The following ADAMTSL1 variants were observed in gnomAD, a reference collection of about 807,000 sequenced individuals.
ADAMTSL1 encodes the protein ADAMTS-like protein 1.
ADAMTSL1 carries 126 observed loss-of-function variants against 201.8 expected under a neutral mutation model. That is an observed-to-expected ratio of 0.62 (90% CI 0.54 to 0.72). The LOEUF is 0.72. Ranked by LOEUF, ADAMTSL1 falls within the 30% of genes least tolerant of loss-of-function variation. ADAMTSL1 has a pLI of 0.00. For missense variants in ADAMTSL1, 2,679 were observed against 2,277.8 expected (o/e 1.18, Z -3.59); for synonymous variants, 1,121 against 903.4 (o/e 1.24, Z -4.32).
At position 18,594,070 on chromosome 9, in the gene ADAMTSL1, G is replaced by C. The variant is rs543480302; in HGVS notation, c.474+19804G>C. On this transcript the variant is annotated intron_variant, in intron 4 of 28. Coordinates refer to ENST00000380548, the MANE Select transcript of ADAMTSL1 (RefSeq NM_001040272.6). Reference sequence around the variant, plus strand: ...TTTGAGTTTTGAGGGTTGTCCTTTTGGTTTATTTTTAGTCTGGAAAAGTCT... The same window carrying C: ...TTTGAGTTTTGAGGGTTGTCCTTTTCGTTTATTTTTAGTCTGGAAAAGTCT... Among the ~76,000 whole-genome samples, 3 of 151,658 alleles carry C rather than the reference G, an allele frequency of 2.0e-5. No individual in the cohort carries two copies. In the East Asian group the frequency reaches 5.8e-4, roughly 29 times the overall value.
At chr9:18,283,931 G>GAAAAAAAAAAAAAAAAAAAGAAGAAAAA (rs1832894044) in intron 2 of ADAMTSL1, among the ~76,000 whole-genome samples, 1 of 64,870 alleles carries the variant, frequency 1.5e-5, no homozygotes, top group African/African-American at 6.6e-5. Context: ...AAAAAAAAAA[G>GAAAAAAAAAAAAAAAAAAAGAAGAAAAA]AAGAAGAAGA....
At chr9:18,422,589 C>T (rs1334200918) in intron 2 of ADAMTSL1, among the ~76,000 whole-genome samples, 3 of 152,092 alleles carry the variant, frequency 2.0e-5, no homozygotes, top group African/African-American at 4.8e-5. Context: ...ACTGTGTGCC[C>T]CTGCATGCCT....
intron 5 of ADAMTSL1, among the ~76,000 whole-genome samples, chr9:18,632,704 A>G (rs754895560): frequency 1.3e-5 from 2 of 152,162 alleles, no homozygotes; most frequent in Non-Finnish European, 2.9e-5. Flanking sequence ...AAAGTAATGA[A>G]TTTGCAGATC....
chr9:18,773,117 A>G (rs1183698022), intron 17 of ADAMTSL1, among the ~76,000 whole-genome samples: 1 of 152,154 alleles, frequency 6.6e-6, no homozygotes, highest in Non-Finnish European at 1.5e-5. Context: ...ACCTCCCATG[A>G]GACTGCCCTT....
chr9:18,389,049 C>A (rs1158047256), intron 2 of ADAMTSL1, among the ~76,000 whole-genome samples: 1 of 152,138 alleles, frequency 6.6e-6, no homozygotes, highest in East Asian at 1.9e-4. Context: ...GCCACTGCAA[C>A]CAGTCCTAAT....
At chr9:18,547,022 T>A (rs1820508865) in intron 3 of ADAMTSL1, among the ~76,000 whole-genome samples, 1 of 152,176 alleles carries the variant, frequency 6.6e-6, no homozygotes, top group African/African-American at 2.4e-5. Flanking sequence ...TTCTGTACAA[T>A]TCTAATTGCC....
At chr9:18,137,874 C>T (rs1201870783) in intron 1 of ADAMTSL1, among the ~76,000 whole-genome samples, 1 of 152,098 alleles carries the variant, frequency 6.6e-6, no homozygotes, top group African/African-American at 2.4e-5. Flanking sequence ...GAGAAACATT[C>T]AAAAGAGAGG....
At chr9:18,514,439 C>T (rs1818243006) in intron 2 of ADAMTSL1, among the ~76,000 whole-genome samples, 1 of 150,394 alleles carries the variant, frequency 6.6e-6, no homozygotes, top group South Asian at 2.1e-4. Flanking sequence ...ACGCCATTCT[C>T]CTGCCTCAGC....
rs147381725 is a variant in ADAMTSL1, at chr9:18,691,439, G to A, written c.1574+6639G>A. 3.7e-4 allele frequency among the ~76,000 whole-genome samples: 57 copies of A among 152,276 alleles called. No individual in the cohort carries two copies. The East Asian group carries it at 0.011, about 29-fold the overall frequency. On this transcript the variant is annotated intron_variant, in intron 13 of 28. Transcript: ENST00000380548. ...GAGATATGATCTTTTTACATAGCAA[G>A]TGATCAGATATTTTGTATCATTATG...
intron 2 of ADAMTSL1, among the ~76,000 whole-genome samples, chr9:18,373,221 A>G (rs903482411): frequency 6.6e-6 from 1 of 152,164 alleles, no homozygotes; most frequent in Non-Finnish European, 1.5e-5. Flanking sequence ...CTATGAATTA[A>G]TTGTCCCAGC....
Position 18,877,017 on chromosome 9 carries a change from A to G in ADAMTSL1, c.4250-10814A>G, listed in dbSNP as rs753216143. On this transcript the variant is annotated intron_variant, in intron 23 of 28. Coordinates refer to ENST00000380548, the MANE Select transcript of ADAMTSL1 (RefSeq NM_001040272.6). ...TGTCTTCAAGCTCTGAAGTTCTTTCATCTACTTGTTTTATTCTGTTGAGAC... is the reference window on the plus strand; with the variant it reads ...TGTCTTCAAGCTCTGAAGTTCTTTCGTCTACTTGTTTTATTCTGTTGAGAC... 2.6e-4 allele frequency among the ~76,000 whole-genome samples: 40 copies of G among 151,964 alleles called. 1 individual carries two copies. The highest frequency in any genetic ancestry group is 2.4e-4 in the Non-Finnish European group (16 of 67,990).
intron 1 of ADAMTSL1, among the ~76,000 whole-genome samples, chr9:17,992,477 T>G (rs1031760706): frequency 6.6e-6 from 1 of 152,212 alleles, no homozygotes; most frequent in Non-Finnish European, 1.5e-5. Flanking sequence ...TTCAGATGAA[T>G]GCTTGTACTT....
intron 21 of ADAMTSL1, among the ~76,000 whole-genome samples, chr9:18,822,889 C>A (rs1385696730): frequency 2.0e-5 from 3 of 152,160 alleles, no homozygotes; most frequent in African/African-American, 4.8e-5. Flanking sequence ...TGTATCACTA[C>A]CTTTTCAAGG....
chr9:18,525,794 C>T (rs1819001004), intron 2 of ADAMTSL1, among the ~76,000 whole-genome samples: 1 of 152,182 alleles, frequency 6.6e-6, no homozygotes, highest in African/African-American at 2.4e-5. Flanking sequence ...TTTGATAGCA[C>T]TGTGGTCAGA....
intron 4 of ADAMTSL1, among the ~76,000 whole-genome samples, chr9:18,606,531 ACT>A (rs1339716816): frequency 6.6e-6 from 1 of 152,100 alleles, no homozygotes; most frequent in Non-Finnish European, 1.5e-5. Flanking sequence ...GAGGATACAC[ACT>A]GTTTGCTTGA....
chr9:18,681,289 C>T (rs1054779676), intron 11 of ADAMTSL1: 1 of 152,312 alleles, frequency 6.6e-6, no homozygotes, highest in African/African-American at 2.4e-5. Flanking sequence ...GGCATCTGGT[C>T]ATTCAATCTG....
At chr9:18,415,801 A>G (rs1206051294) in intron 2 of ADAMTSL1, among the ~76,000 whole-genome samples, 2 of 152,132 alleles carry the variant, frequency 1.3e-5, no homozygotes, top group African/African-American at 2.4e-5. Flanking sequence ...AAATGCAGCC[A>G]GAGGAAAATG....
chr9:18,651,570 A>T (rs750929989), intron 7 of ADAMTSL1: 1 of 152,236 alleles, frequency 6.6e-6, no homozygotes, highest in African/African-American at 2.4e-5. Flanking sequence ...TCATGCACTG[A>T]TAACAAGAGA....
At chr9:18,576,885 A>G (rs1335278022) in intron 4 of ADAMTSL1, among the ~76,000 whole-genome samples, 1 of 151,950 alleles carries the variant, frequency 6.6e-6, no homozygotes, top group African/African-American at 2.4e-5. Flanking sequence ...TATTTCACAG[A>G]TGAGGAAACT....
Sources: allele counts gnomAD v4.1 joint callset (sites outside exome capture counted in the v4.1 genomes callset), GRCh38; gene constraint gnomAD v4.1.1; transcripts MANE v1.5; gene names NCBI Gene and HGNC (gene_info 2026-07-23, HGNC 2026-07-21).